The following GFRAL variants were observed in gnomAD, a reference collection of about 807,000 sequenced individuals.
The protein encoded by GFRAL is GDNF family receptor alpha like.
In GFRAL, 36 loss-of-function variants were observed where a neutral mutation model predicts 45.4. That is an observed-to-expected ratio of 0.79 (90% CI 0.61 to 1.05). The LOEUF is 1.05. Ranked by LOEUF, GFRAL falls within the 50% of genes least tolerant of loss-of-function variation. GFRAL has a pLI of 0.00. For missense variants in GFRAL, 507 were observed against 467.5 expected, an observed-to-expected ratio of 1.08 and a Z score of -0.78; for synonymous variants, 166 against 154.1, an observed-to-expected ratio of 1.08 and a Z score of -0.57.
chr6:55,341,319 A>G (rs1449779758), intron 3 of GFRAL, among the ~76,000 whole-genome samples: 1 of 152,168 alleles, frequency 6.6e-6, no homozygotes, highest in Admixed American at 6.5e-5. Context: ...CCCCTGTGAG[A>G]CGAAGCTTCC....
chr6:55,346,289 C>A (rs961756319), intron 3 of GFRAL, among the ~76,000 whole-genome samples: 2 of 152,110 alleles, frequency 1.3e-5, no homozygotes, highest in African/African-American at 4.8e-5. Flanking sequence ...TTGGAACCAA[C>A]CCAAATGTCC....
intron 3 of GFRAL, among the ~76,000 whole-genome samples, chr6:55,347,449 G>A (rs545183259): frequency 6.6e-6 from 1 of 152,168 alleles, no homozygotes; most frequent in East Asian, 1.9e-4. Flanking sequence ...AGATAACTTA[G>A]CACAATGACA....
At chr6:55,390,825 T>C (rs980256937) in intron 6 of GFRAL, among the ~76,000 whole-genome samples, 2 of 151,078 alleles carry the variant, frequency 1.3e-5, no homozygotes, top group African/African-American at 4.9e-5. Flanking sequence ...GAGGCAGAGA[T>C]TGCAGTGAGC....
chr6:55,327,814 T>C (rs1481401643), intron 1 of GFRAL, among the ~76,000 whole-genome samples: 2 of 152,078 alleles, frequency 1.3e-5, no homozygotes, highest in African/African-American at 4.8e-5. Flanking sequence ...TCTCAGCTTG[T>C]TTCTGTTTTA....
At chr6:55,361,654 C>T (rs1268208150) in intron 6 of GFRAL, among the ~76,000 whole-genome samples, 1 of 151,922 alleles carries the variant, frequency 6.6e-6, no homozygotes. Flanking sequence ...AAACCAAATC[C>T]TTAGGCCTTG....
chr6:55,354,378 A>G (rs1046917406), intron 5 of GFRAL, among the ~76,000 whole-genome samples: 1 of 151,932 alleles, frequency 6.6e-6, no homozygotes, highest in Admixed American at 6.6e-5. Flanking sequence ...ATAAGCACTC[A>G]AAAAACGTCA....
intron 6 of GFRAL, among the ~76,000 whole-genome samples, chr6:55,369,864 C>T (rs530275788): frequency 1.8e-4 from 27 of 152,222 alleles, no homozygotes; most frequent in Admixed American, 3.3e-4. Context: ...CTTCTTTAGT[C>T]TCAGTAAATG....
intron 8 of GFRAL, among the ~76,000 whole-genome samples, chr6:55,400,954 A>C (rs1336858872): frequency 6.6e-6 from 1 of 152,114 alleles, no homozygotes; most frequent in Admixed American, 6.6e-5. Context: ...AGAATGTATA[A>C]AATTTACACC....
At chr6:55,331,672 C>A (rs949846523) in intron 1 of GFRAL, 43 bp from the exon 2 acceptor site, 4 of 1,565,596 alleles carry the variant, frequency 2.6e-6, no homozygotes, top group Non-Finnish European at 3.5e-6. Context: ...AAAATGGATG[C>A]CAAATTTATA....
chr6:55,383,206 G>A (rs1768634944), intron 6 of GFRAL, among the ~76,000 whole-genome samples: 3 of 151,964 alleles, frequency 2.0e-5, no homozygotes, highest in South Asian at 4.1e-4. Context: ...AAGCAACTAG[G>A]TGAGGCTGAT....
chr6:55,330,560 G>C (rs1305348298), intron 1 of GFRAL, among the ~76,000 whole-genome samples: 1 of 152,064 alleles, frequency 6.6e-6, no homozygotes, highest in Non-Finnish European at 1.5e-5. Flanking sequence ...AACAAAAAGG[G>C]TTATTCCAGA....
intron 6 of GFRAL, among the ~76,000 whole-genome samples, chr6:55,363,113 G>T (rs1218968606): frequency 8.2e-6 from 1 of 121,216 alleles, no homozygotes; most frequent in African/African-American, 3.5e-5. Flanking sequence ...TTCTACAAGA[G>T]ATGGAAAACA....
chr6:55,400,715 G>A (rs1456806615), intron 8 of GFRAL, among the ~76,000 whole-genome samples: 1 of 152,066 alleles, frequency 6.6e-6, no homozygotes, highest in African/African-American at 2.4e-5. Context: ...TCTAAGATAT[G>A]GGTTGAAAGC....
At position 55,367,263 on chromosome 6, in the gene GFRAL, C is replaced by T. The variant is rs1467528179; in HGVS notation, c.952+8125C>T. ...GTTTTATCAGAGACTAGGATTGCAA[C>T]CCCTGCCTTTTTTTGTTTTCCATTT... On this transcript the variant is annotated intron_variant, in intron 6 of 8. Coordinates refer to ENST00000340465, the MANE Select transcript of GFRAL (RefSeq NM_207410.2). Among the ~76,000 whole-genome samples the T allele has an allele frequency of 1.5e-5, 2 of 132,138 alleles. 1 individual carries two copies. The highest frequency in any genetic ancestry group is 6.3e-5 in the African/African-American group (2 of 31,740). The allele number at this position is 132,138 out of a possible 152,430, so 86.7% of individuals were successfully genotyped here. A position where few individuals can be genotyped will look rare whatever the true frequency, so the allele number is the denominator to read the frequency against.
At chr6:55,338,551 C>A (rs892392154) in intron 3 of GFRAL, among the ~76,000 whole-genome samples, 2 of 152,064 alleles carry the variant, frequency 1.3e-5, no homozygotes, top group Non-Finnish European at 2.9e-5. Flanking sequence ...CAATGTGATA[C>A]AGTCTACACA....
chr6:55,385,973 A>C (rs919675487), intron 6 of GFRAL, among the ~76,000 whole-genome samples: 4 of 152,138 alleles, frequency 2.6e-5, no homozygotes, highest in Non-Finnish European at 5.9e-5. Context: ...CCATTTAAGC[A>C]AACTCCAGAC....
chr6:55,401,878 A>C lies in GFRAL; in HGVS notation c.*25A>C, dbSNP rs752960516. On this transcript the variant is annotated 3_prime_UTR_variant, in exon 9 of 9. Coordinates refer to ENST00000340465, the MANE Select transcript of GFRAL (RefSeq NM_207410.2). ...ATTCATTAGGAGTCATGGACCTATAACAATCACTCTTTTCTCTGCTTTTCT... is the reference window on the plus strand; with the variant it reads ...ATTCATTAGGAGTCATGGACCTATACCAATCACTCTTTTCTCTGCTTTTCT... 65 of 1,238,138 alleles carry C rather than the reference A, an allele frequency of 5.2e-5. No individual in the cohort carries two copies. In the South Asian group the frequency reaches 7.3e-4, roughly 14 times the overall value. The allele number at this position is 1,238,138 out of a possible 1,614,324, so 76.7% of individuals were successfully genotyped here. A position where few individuals can be genotyped will look rare whatever the true frequency, so the allele number is the denominator to read the frequency against.
At chr6:55,334,933 G>A (rs1200371396) in intron 3 of GFRAL, among the ~76,000 whole-genome samples, 1 of 151,940 alleles carries the variant, frequency 6.6e-6, no homozygotes, top group African/African-American at 2.4e-5. Flanking sequence ...ATTCATTATC[G>A]AAAGTAAATT....
intron 6 of GFRAL, among the ~76,000 whole-genome samples, chr6:55,390,279 C>A (rs983550074): frequency 6.6e-6 from 1 of 152,138 alleles, no homozygotes; most frequent in Non-Finnish European, 1.5e-5. Context: ...TTATAACCCC[C>A]CTGAATTAGC....
Sources: gnomAD v4.1 joint callset for allele counts (sites outside exome capture counted in the v4.1 genomes callset) on GRCh38, gnomAD v4.1.1 for gene constraint, MANE v1.5 for transcripts, NCBI Gene and HGNC (gene_info 2026-07-23, HGNC 2026-07-21) for gene names.